Variants in TLE7 observed in about 807,000 individuals in gnomAD.
TLE7 encodes transducin-like enhancer protein 7.
At chr16:71,438,733 A>G (rs1350243258) in intron 1 of TLE7, among the ~76,000 whole-genome samples, 1 of 151,766 alleles carries the variant, frequency 6.6e-6, no homozygotes, top group Non-Finnish European at 1.5e-5. Context: ...GAGTTGCAAG[A>G]GTCAAAGAGA....
intron 1 of TLE7, among the ~76,000 whole-genome samples, chr16:71,439,438 G>T (rs1224925768): frequency 6.6e-6 from 1 of 152,150 alleles, no homozygotes; most frequent in African/African-American, 2.4e-5. Context: ...TGGAGGCAGG[G>T]AGGGCAGGAA....
chr16:71,430,728 C>A lies in TLE7; in HGVS notation c.1161G>T (p.Val387=). Residue 387 remains valine, a synonymous_variant, in exon 9 of 10, where the codon GTG becomes GTT. Coordinates refer to ENST00000561754, the MANE Select transcript of TLE7 (RefSeq NM_001367365.2). Reference sequence around the variant, plus strand: ...CACTGAGGCGCGTATCTATCGCGGTCACAAAATAGCTCCCTGGTGAAGGAA... The same window carrying A: ...CACTGAGGCGCGTATCTATCGCGGTAACAAAATAGCTCCCTGGTGAAGGAA... ...LKFASCGSYF[V]TAIDTRLSGL... 2.5e-6 allele frequency: 1 copy of A among 398,524 alleles called. No individual in the cohort carries two copies. Among genetic ancestry groups the A allele is most frequent in the South Asian group, 1.3e-4 (1 of 7,752 alleles). The allele number at this position is 398,524 out of a possible 1,614,324, so 24.7% of individuals were successfully genotyped here. A position where few individuals can be genotyped will look rare whatever the true frequency, so the allele number is the denominator to read the frequency against.
intron 1 of TLE7, among the ~76,000 whole-genome samples, chr16:71,436,135 C>G (rs367864680): frequency 5.9e-5 from 9 of 152,106 alleles, no homozygotes; most frequent in African/African-American, 2.2e-4. Context: ...GGGGCTCACT[C>G]AAACCCCCCA....
intron 1 of TLE7, among the ~76,000 whole-genome samples, chr16:71,441,443 C>A (rs1404354128): frequency 6.6e-6 from 1 of 152,246 alleles, no homozygotes; most frequent in African/African-American, 2.4e-5. Context: ...GCGGCGTGCG[C>A]GGCCGGGCTT....
In TLE7 at chr16:71,430,816, C is replaced by T. The variant is rs539818921; in HGVS notation, c.1148-75G>A. 2.0e-5 allele frequency: 8 copies of T among 397,892 alleles called. No homozygotes were observed. The South Asian group carries it at 8.2e-4, about 41-fold the overall frequency. The allele number at this position is 397,892 out of a possible 1,614,324, so 24.6% of individuals were successfully genotyped here. On this transcript the variant is annotated intron_variant, in intron 8 of 9. Transcript: ENST00000561754. The stretch of plus-strand genomic sequence containing the variant: ...AGTTCCAGCACTGTCCCCAACCAGA[C>T]TAAGGGCAAGTCTTTCTCTGCCTGT...
chr16:71,431,191 A>C lies in TLE7; in HGVS notation c.1077T>G (p.Arg359=), dbSNP rs566807308. Residue 359 remains arginine (R), a synonymous_variant, in exon 8 of 10, where the codon CGT becomes CGG. Coordinates refer to ENST00000561754, the MANE Select transcript of TLE7 (RefSeq NM_001367365.2). This position sits in a 1 kb window ranked among gnomAD's most constrained non-coding sequence, Gnocchi z 4.5. ...RTSDIVFLHT[R]RNEQFKALMK... ...TGAGAGCCTTAAACTGCTCATTCCGACGAGTGTGAAGGAACACGATATCAC... is the reference window on the plus strand; with the variant it reads ...TGAGAGCCTTAAACTGCTCATTCCGCCGAGTGTGAAGGAACACGATATCAC... The C allele has an allele frequency of 5.7e-5, 23 of 400,610 alleles. No individual in the cohort carries two copies. In the East Asian group the frequency reaches 7.8e-4, roughly 14 times the overall value. 24.8% of individuals were successfully genotyped at this position (400,610 alleles called of 1,614,324 possible). A position where few individuals can be genotyped will look rare whatever the true frequency, so the allele number is the denominator to read the frequency against.
chr16:71,430,884 C>A lies in TLE7; in HGVS notation c.1148-143G>T, dbSNP rs143728173. The A allele has an allele frequency of 2.7e-3, 1,074 of 397,420 alleles. 2 individuals carry two copies. Among genetic ancestry groups the A allele is most frequent in the South Asian group, 0.012 (87 of 7,000 alleles). The allele number at this position is 397,420 out of a possible 1,614,324, so 24.6% of individuals were successfully genotyped here. The stretch of plus-strand genomic sequence containing the variant: ...TCAGACACACAACCCAAGCCATTCC[C>A]TTATCTTCCCCCACCCTCCTACCAC... On this transcript the variant is annotated intron_variant, in intron 8 of 9. Coordinates refer to ENST00000561754, the MANE Select transcript of TLE7 (RefSeq NM_001367365.2).
intron 1 of TLE7, among the ~76,000 whole-genome samples, chr16:71,439,831 A>G (rs2042840347): frequency 1.3e-5 from 2 of 152,226 alleles, no homozygotes; most frequent in Admixed American, 1.3e-4. Context: ...CAGAGTTAAC[A>G]TGTGACCCAG....
rs1018430624 is a variant in TLE7, at chr16:71,433,298, C to T, written c.27G>A (p.Ser9=). 3.0e-5 allele frequency: 12 copies of T among 398,562 alleles called. No individual in the cohort carries two copies. Among genetic ancestry groups the T allele is most frequent in the Non-Finnish European group, 4.4e-5 (10 of 226,126 alleles). 24.7% of individuals were successfully genotyped at this position (398,562 alleles called of 1,614,324 possible). The change falls in exon 2 of 10, where the codon TCG becomes TCA. Residue 9 remains serine (S), a synonymous_variant. Transcript: ENST00000561754. The part of the protein sequence containing the change: MSGEKEEA[S]LRMFGAYGEP... Reference sequence around the variant, plus strand: ...CACCATAAGCCCCGAACATTCTGAGCGATGCCTCTTCCTTCTCTCCACTCA... The same window carrying T: ...CACCATAAGCCCCGAACATTCTGAGTGATGCCTCTTCCTTCTCTCCACTCA...
intron 1 of TLE7, among the ~76,000 whole-genome samples, chr16:71,440,926 C>T (rs2042845299): frequency 6.6e-6 from 1 of 152,348 alleles, no homozygotes; most frequent in South Asian, 2.1e-4. Context: ...CTCCCCATTC[C>T]TTGCCAAGGC....
chr16:71,430,115 A>G lies in TLE7; in HGVS notation c.*147T>C, dbSNP rs773281712. 3 of 396,100 alleles carry G rather than the reference A, an allele frequency of 7.6e-6. No homozygotes were observed. The highest frequency in any genetic ancestry group is 1.3e-5 in the Non-Finnish European group (3 of 225,048). 24.5% of individuals were successfully genotyped at this position (396,100 alleles called of 1,614,324 possible). ...GATTAAAATCTGGGAGTGCAGGCTG[A>G]GAGCGGGCTACTGGAGGGGAGGGAT... On this transcript the variant is annotated 3_prime_UTR_variant, in exon 10 of 10. Transcript: ENST00000561754.
chr16:71,434,927 A>G (rs1285776624), intron 1 of TLE7, among the ~76,000 whole-genome samples: 6 of 152,222 alleles, frequency 3.9e-5, no homozygotes, highest in Non-Finnish European at 7.3e-5. Context: ...TACAAGCTGG[A>G]GAACAGCAGC....
rs970495782 is a variant in TLE7 at position 71,431,231 on chromosome 16, G to A, written c.1037C>T (p.Ala346Val). ...THDPGEEWVL[A>V]GLRTSDIVFL... The stretch of plus-strand genomic sequence containing the variant: ...CACGATATCACTCGTTCTCAGGCCC[G>A]CCAATACCCATTCTTCACCGGGGTC... The change falls in exon 8 of 10, where the codon GCG (alanine) becomes GTG (valine). Residue 346 changes from alanine to valine, a missense_variant. Coordinates refer to ENST00000561754, the MANE Select transcript of TLE7 (RefSeq NM_001367365.2). The surrounding 1 kb of genome is among the most constrained non-coding windows in gnomAD (Gnocchi z 4.5). 1.0e-5 allele frequency: 4 copies of A among 400,268 alleles called. No homozygotes were observed. Among genetic ancestry groups the A allele is most frequent in the Middle Eastern group, 6.7e-4 (2 of 2,972 alleles). 24.8% of individuals were successfully genotyped at this position (400,268 alleles called of 1,614,324 possible). A position where few individuals can be genotyped will look rare whatever the true frequency, so the allele number is the denominator to read the frequency against.
intron 9 of TLE7, 80 bp from the exon 10 acceptor site, chr16:71,430,446 C>T (rs2042797157): frequency 2.5e-6 from 1 of 398,312 alleles, no homozygotes; most frequent in Non-Finnish European, 4.4e-6. Flanking sequence ...TTTCAAGGCT[C>T]AGTGTAGACC....
chr16:71,439,085 G>T (rs1427236309), intron 1 of TLE7, among the ~76,000 whole-genome samples: 1 of 152,232 alleles, frequency 6.6e-6, no homozygotes, highest in Non-Finnish European at 1.5e-5. Context: ...CTGAGGAGAT[G>T]AGGCTGGGCC....
intron 1 of TLE7, among the ~76,000 whole-genome samples, chr16:71,435,665 T>A (rs1169258524): frequency 6.6e-6 from 1 of 152,252 alleles, no homozygotes; most frequent in East Asian, 1.9e-4. Flanking sequence ...TGTCACTGCA[T>A]AACTCAGTAC....
At chr16:71,436,106 C>A (rs1004730381) in intron 1 of TLE7, among the ~76,000 whole-genome samples, 3 of 152,134 alleles carry the variant, frequency 2.0e-5, no homozygotes, top group Admixed American at 2.0e-4. Context: ...CTTTCCAAAG[C>A]CCCCAGAATG....
intron 1 of TLE7, among the ~76,000 whole-genome samples, chr16:71,440,744 C>G (rs2042844048): frequency 6.6e-6 from 1 of 152,202 alleles, no homozygotes; most frequent in Non-Finnish European, 1.5e-5. Flanking sequence ...ACCCCAACAC[C>G]TAGTGGGCCA....
At chr16:71,439,745 G>A (rs1240412333) in intron 1 of TLE7, among the ~76,000 whole-genome samples, 1 of 152,166 alleles carries the variant, frequency 6.6e-6, no homozygotes, top group Non-Finnish European at 1.5e-5. Flanking sequence ...GAGAATGTGG[G>A]GAAATTGGAA....
Sources: gnomAD v4.1 joint callset for allele counts (sites outside exome capture counted in the v4.1 genomes callset) on GRCh38, gnomAD v4.1.1 for gene constraint, Gnocchi (gnomAD v3.1) non-coding constraint, MANE v1.5 for transcripts, NCBI Gene and HGNC (gene_info 2026-07-23, HGNC 2026-07-21) for gene names.